The following KIF19 variants were observed in gnomAD, a reference collection of about 807,000 sequenced individuals.
KIF19 encodes kinesin-like protein KIF19.
A neutral mutation model predicts 106.6 loss-of-function variants in KIF19; 98 were observed. The observed-to-expected ratio is 0.92, with a 90% CI of 0.78 to 1.09. KIF19 has a LOEUF of 1.09. KIF19 is among the 50% of genes least tolerant of loss of function. The pLI, the probability that KIF19 is intolerant of heterozygous loss-of-function variation, is 0.00. For missense variants in KIF19, 1,373 were observed against 1,414.3 expected, an observed-to-expected ratio of 0.97 and a Z score of 0.47; for synonymous variants, 516 against 584.2, an observed-to-expected ratio of 0.88 and a Z score of 1.68.
In KIF19 at chr17:74,350,428, G is replaced by A; in HGVS notation, c.1241G>A (p.Gly414Asp). ...QAEVQLHSGQ[G>D]EKAGMGQLRE... ...GAGGTCCAGCTGCACAGCGGGCAGG[G>A]TGAGAAGGCTGGCATGGGACAGCTT... The change falls in exon 11 of 20, where the codon GGT becomes GAT. Residue 414 changes from glycine to aspartate, a missense_variant. Gly to Asp is a moderately conservative substitution (Grantham distance 94). This residue lies in a region of KIF19 where 1,020 missense variants were observed against 1,008.2 expected (regional missense o/e 1.01). Transcript: ENST00000389916. The A allele has an allele frequency of 6.2e-7, 1 of 1,606,426 alleles. No homozygotes were observed. Among genetic ancestry groups the A allele is most frequent in the Non-Finnish European group, 8.5e-7 (1 of 1,177,456 alleles).
chr17:74,341,048 T>C (rs2054358375), intron 2 of KIF19, among the ~76,000 whole-genome samples: 1 of 152,088 alleles, frequency 6.6e-6, no homozygotes, highest in African/African-American at 2.4e-5. Flanking sequence ...AAAGAGACTG[T>C]GTGAGGCCGG....
intron 19 of KIF19, 80 bp from the exon 20 acceptor site, chr17:74,355,102 A>C: frequency 6.5e-7 from 1 of 1,545,744 alleles, no homozygotes; most frequent in Non-Finnish European, 8.8e-7. Flanking sequence ...GCCCCTAGAG[A>C]GTTCAAGGCC....
chr17:74,345,353 G>A (rs2054506053), intron 7 of KIF19, among the ~76,000 whole-genome samples: 1 of 152,144 alleles, frequency 6.6e-6, no homozygotes, highest in Non-Finnish European at 1.5e-5. Flanking sequence ...GGAGTAGTTG[G>A]AGGCAGGGAG....
At position 74,335,389 on chromosome 17, in the gene KIF19, A is replaced by G. The variant is rs986310516; in HGVS notation, c.121-6487A>G. ...AAGCTGATAAATGCAGCTGCAGCCT[A>G]GTAGTGTGACATGCTTTGTGCAAAG... On this transcript the variant is annotated intron_variant, in intron 2 of 19. Transcript: ENST00000389916. 5.5e-4 allele frequency among the ~76,000 whole-genome samples: 84 copies of G among 152,282 alleles called. 1 individual carries two copies. The highest frequency in any genetic ancestry group is 2.4e-4 in the Non-Finnish European group (16 of 68,048).
intron 10 of KIF19, 83 bp from the exon 11 acceptor site, chr17:74,350,318 G>A: frequency 7.5e-7 from 1 of 1,335,364 alleles, no homozygotes; most frequent in Non-Finnish European, 1.0e-6. Context: ...GGAAGAAAAG[G>A]AGGGGAGGGG....
chr17:74,342,171 T>C (rs1015018008), intron 3 of KIF19, among the ~76,000 whole-genome samples, 185 bp downstream of exon 3: 7 of 152,112 alleles, frequency 4.6e-5, no homozygotes, highest in Non-Finnish European at 1.0e-4. Context: ...ACACCCGGCC[T>C]CCTGCAAGGA....
At chr17:74,354,598 A>AT in intron 18 of KIF19, 39 bp downstream of exon 18, 1 of 1,562,586 alleles carries the variant, frequency 6.4e-7, no homozygotes, top group Non-Finnish European at 8.6e-7. Context: ...AGGCACTCCC[A>AT]TAGCAGCTGG....
intron 2 of KIF19, 41 bp from the exon 3 acceptor site, chr17:74,341,835 G>A (rs1328811359): frequency 2.1e-6 from 3 of 1,447,528 alleles, no homozygotes; most frequent in African/African-American, 1.4e-5. Flanking sequence ...AGGGCCCGGG[G>A]TTCCCAGGTG....
rs555062106 is a variant in KIF19 at position 74,328,351 on chromosome 17, G to C, written c.40-74G>C. 1.8e-5 allele frequency: 25 copies of C among 1,380,968 alleles called. No individual in the cohort carries two copies. The African/African-American group carries it at 3.6e-4, about 20-fold the overall frequency. 85.5% of individuals were successfully genotyped at this position (1,380,968 alleles called of 1,614,324 possible). The stretch of plus-strand genomic sequence containing the variant: ...TGGCTGAATGCTAGAGAAGCCAGGG[G>C]CTTGCTTGAGGTCTCTCTGAGGCCC... On this transcript the variant is annotated intron_variant, in intron 1 of 19. Transcript: ENST00000389916.
chr17:74,353,031 G>A (rs904466217), intron 15 of KIF19, 77 bp downstream of exon 15: 3 of 1,559,086 alleles, frequency 1.9e-6, no homozygotes, highest in African/African-American at 1.4e-5. Context: ...AAGGCTAAAT[G>A]GGGAACACAG....
intron 10 of KIF19, 102 bp from the exon 11 acceptor site, chr17:74,350,299 A>C (rs1377359828): frequency 6.3e-6 from 7 of 1,109,554 alleles, no homozygotes; most frequent in South Asian, 1.6e-5. Context: ...AAGTGGGAGC[A>C]CTGAGTTGGG....
At position 74,344,313 on chromosome 17, in the gene KIF19, G is replaced by A. The variant is rs760396711; in HGVS notation, c.547G>A (p.Gly183Ser). The change falls in exon 6 of 20, where the codon GGC (glycine) becomes AGC (serine). Residue 183 changes from glycine (G) to serine (S), a missense_variant. Gly to Ser is a moderately conservative substitution (Grantham distance 56). Transcript: ENST00000389916. ...CTCTAAGGGGGTGATCCAGGTGGCC[G>A]GCATCACCGAAGTCTCCACCATCAA... ...EDSKGVIQVA[G>S]ITEVSTINAK... 25 of 1,612,712 alleles carry A rather than the reference G, an allele frequency of 1.6e-5. No homozygotes were observed. The highest frequency in any genetic ancestry group is 5.0e-5 in the Admixed American group (3 of 59,958).
At position 74,352,103 on chromosome 17, in the gene KIF19, C is replaced by T. The variant is rs1020093081; in HGVS notation, c.1824C>T (p.Asp608=). The change falls in exon 13 of 20, where the codon GAC becomes GAT. Residue 608 remains aspartate, a synonymous_variant. Transcript: ENST00000389916. ...TGGAGCAGCACCGCAGTCTCTGCGA[C>T]GAGATTATCCAGGGCCAGCGGCAGA... ...RRLEQHRSLC[D]EIIQGQRQII... 3 of 1,586,280 alleles carry T rather than the reference C, an allele frequency of 1.9e-6. No individual in the cohort carries two copies. The highest frequency in any genetic ancestry group is 1.7e-5 in the Admixed American group (1 of 57,628).
At chr17:74,334,328 C>T (rs778685064) in intron 2 of KIF19, among the ~76,000 whole-genome samples, 1 of 152,186 alleles carries the variant, frequency 6.6e-6, no homozygotes, top group Non-Finnish European at 1.5e-5. Context: ...TTTATGGGCC[C>T]ATTTCCCCAC....
At chr17:74,330,205 T>G (rs772165969) in intron 2 of KIF19, among the ~76,000 whole-genome samples, 1 of 152,216 alleles carries the variant, frequency 6.6e-6, no homozygotes, top group Non-Finnish European at 1.5e-5. Flanking sequence ...GCAGAATGAA[T>G]GCACATAAAC....
intron 2 of KIF19, among the ~76,000 whole-genome samples, chr17:74,333,271 A>C (rs1222009029): frequency 6.6e-6 from 1 of 151,720 alleles, no homozygotes; most frequent in East Asian, 1.9e-4. Flanking sequence ...AGCCCCTCCC[A>C]GCCCCAGGCA....
Position 74,326,403 on chromosome 17 carries a change from G to A in KIF19, c.39+15G>A, listed in dbSNP as rs370113334. On this transcript the variant is annotated intron_variant, in intron 1 of 19. Coordinates refer to ENST00000389916, the MANE Select transcript of KIF19 (RefSeq NM_153209.4). ...AGCAACTCATGGTGAGACCCTTTTA[G>A]ACCCTCCTCCCCACCCCGCTCCGTG... The A allele has an allele frequency of 1.2e-6, 2 of 1,611,786 alleles. No homozygotes were observed. The highest frequency in any genetic ancestry group is 1.7e-6 in the Non-Finnish European group (2 of 1,178,802).
rs1248536657 is a variant in KIF19 at position 74,349,229 on chromosome 17, A to G, written c.1093A>G (p.Thr365Ala). 1.2e-6 allele frequency: 2 copies of G among 1,613,704 alleles called. No homozygotes were observed. Among genetic ancestry groups the G allele is most frequent in the Non-Finnish European group, 1.7e-6 (2 of 1,179,886 alleles). Residue 365 changes from threonine to alanine, a missense_variant, in exon 10 of 20, where the codon ACC becomes GCC. Physicochemically the swap from Thr to Ala is moderately conservative, Grantham distance 58 (BLOSUM62 0). Transcript: ENST00000389916. ...LNVSYHIAQY[T>A]SIIADLRGEI... ...CGTCTCCTACCACATCGCCCAGTAC[A>G]CCAGCATCATCGCTGACCTGCGGGG...
intron 2 of KIF19, among the ~76,000 whole-genome samples, chr17:74,332,451 C>A (rs2054122277): frequency 6.6e-6 from 1 of 152,126 alleles, no homozygotes; most frequent in Non-Finnish European, 1.5e-5. Context: ...AAACAGCCGT[C>A]TCCTCCAATC....
Sources: allele counts gnomAD v4.1 joint callset (sites outside exome capture counted in the v4.1 genomes callset), GRCh38; gene constraint gnomAD v4.1.1; regional missense constraint gnomAD v4.1.1; transcripts MANE v1.5; gene names NCBI Gene and HGNC (gene_info 2026-07-23, HGNC 2026-07-21).